The following KIAA1958 variants were observed in gnomAD, a reference collection of about 807,000 sequenced individuals.
KIAA1958 encodes KIAA1958.
Under a neutral mutation model 47.2 loss-of-function variants are expected in KIAA1958, and 14 were observed. That is an observed-to-expected ratio of 0.30 (90% CI 0.20 to 0.46). KIAA1958 has a LOEUF of 0.46. KIAA1958 is among the 20% of genes least tolerant of loss of function. The pLI, the probability that KIAA1958 is intolerant of heterozygous loss-of-function variation, is 1.00. For missense variants in KIAA1958, 803 were observed against 909.2 expected (o/e 0.88, Z 1.50); for synonymous variants, 354 against 353.3 (o/e 1.00, Z -0.02).
At chr9:112,502,177 G>T (rs1234406557) in intron 1 of KIAA1958, among the ~76,000 whole-genome samples, 2 of 152,076 alleles carry the variant, frequency 1.3e-5, no homozygotes, top group Admixed American at 6.6e-5. Flanking sequence ...ATAAAACTTT[G>T]AAGTATAGTA....
chr9:112,598,720 A>G (rs774305089), intron 2 of KIAA1958, among the ~76,000 whole-genome samples: 25 of 152,226 alleles, frequency 1.6e-4, no homozygotes, highest in Non-Finnish European at 2.8e-4. Context: ...CAAGACACAC[A>G]AGAAAACTGA....
At chr9:112,510,209 T>C (rs754621991) in intron 1 of KIAA1958, among the ~76,000 whole-genome samples, 29 of 152,170 alleles carry the variant, frequency 1.9e-4, no homozygotes, top group Middle Eastern at 3.2e-3. Flanking sequence ...CAGTGGGACG[T>C]CTCTGATTGT....
chr9:112,499,939 C>A (rs991210720), intron 1 of KIAA1958, among the ~76,000 whole-genome samples: 1 of 151,864 alleles, frequency 6.6e-6, no homozygotes, highest in Non-Finnish European at 1.5e-5. Flanking sequence ...CCACCCACCT[C>A]GGCCTCCCAA....
At chr9:112,642,869 A>G (rs1754438303) in intron 2 of KIAA1958, among the ~76,000 whole-genome samples, 1 of 152,224 alleles carries the variant, frequency 6.6e-6, no homozygotes, top group Non-Finnish European at 1.5e-5. Context: ...ATGTCATTTA[A>G]TCATTTTCAC....
chr9:112,624,284 A>G (rs1362838703), intron 2 of KIAA1958, among the ~76,000 whole-genome samples: 2 of 152,252 alleles, frequency 1.3e-5, no homozygotes, highest in Non-Finnish European at 2.9e-5. Context: ...ACAGATAGGC[A>G]GTGATCAATT....
intron 1 of KIAA1958, among the ~76,000 whole-genome samples, chr9:112,521,915 A>G (rs1296842406): frequency 2.0e-5 from 3 of 151,962 alleles, no homozygotes; most frequent in Non-Finnish European, 4.4e-5. Flanking sequence ...TTTTCTCCAC[A>G]CACTTGAATA....
intron 1 of KIAA1958, among the ~76,000 whole-genome samples, chr9:112,499,502 T>C (rs1031998279): frequency 1.3e-5 from 2 of 152,144 alleles, no homozygotes; most frequent in African/African-American, 4.8e-5. Context: ...TGTTAATGAG[T>C]ATGAATATAT....
intron 1 of KIAA1958, among the ~76,000 whole-genome samples, chr9:112,524,495 A>G (rs561583143): frequency 6.6e-6 from 1 of 152,332 alleles, no homozygotes; most frequent in South Asian, 2.1e-4. Flanking sequence ...TACTATCCTA[A>G]CCATTTTAAA....
At position 112,666,216 on chromosome 9, in the gene KIAA1958, T is replaced by G. The variant is rs1342446201; in HGVS notation, c.*6147T>G. 1 of 152,168 alleles carries G rather than the reference T, an allele frequency of 6.6e-6. No individual in the cohort carries two copies. Among genetic ancestry groups the G allele is most frequent in the Non-Finnish European group, 1.5e-5 (1 of 68,022 alleles). The allele number at this position is 152,168 out of a possible 1,614,324, so 9.4% of individuals were successfully genotyped here. A position where few individuals can be genotyped will look rare whatever the true frequency, so the allele number is the denominator to read the frequency against. On this transcript the variant is annotated 3_prime_UTR_variant, in exon 4 of 4. Coordinates refer to ENST00000337530, the MANE Select transcript of KIAA1958 (RefSeq NM_133465.4). ...CGAACTCCGACCTCAGTGATCCACC[T>G]GCCTCGGCCTCCCAAAGTGGAAAAA...
At chr9:112,542,201 G>A (rs1834956319) in intron 1 of KIAA1958, among the ~76,000 whole-genome samples, 1 of 152,024 alleles carries the variant, frequency 6.6e-6, no homozygotes, top group Admixed American at 6.6e-5. Flanking sequence ...ATGAAAATAT[G>A]AATATGTTCT....
At chr9:112,506,671 A>G (rs971724018) in intron 1 of KIAA1958, among the ~76,000 whole-genome samples, 2 of 151,274 alleles carry the variant, frequency 1.3e-5, no homozygotes, top group African/African-American at 2.4e-5. Flanking sequence ...TTAGTATTAA[A>G]ATTTCAGAAG....
intron 1 of KIAA1958, among the ~76,000 whole-genome samples, chr9:112,492,180 T>G (rs1243711385): frequency 1.3e-5 from 2 of 152,180 alleles, no homozygotes; most frequent in Non-Finnish European, 2.9e-5. Flanking sequence ...ACAACAAAAA[T>G]TTATTTTCTG....
At chr9:112,558,500 ACTT>A (rs1302649353) in intron 1 of KIAA1958, among the ~76,000 whole-genome samples, 1 of 152,148 alleles carries the variant, frequency 6.6e-6, no homozygotes, top group Non-Finnish European at 1.5e-5. Flanking sequence ...TGACCTCTCT[ACTT>A]CTTTGAATAT....
chr9:112,518,300 C>T (rs1834473684), intron 1 of KIAA1958, among the ~76,000 whole-genome samples: 1 of 152,160 alleles, frequency 6.6e-6, no homozygotes, highest in Non-Finnish European at 1.5e-5. Context: ...ATTTGTAAAG[C>T]TGGAAACAAT....
chr9:112,552,149 A>T (rs73656436), intron 1 of KIAA1958, among the ~76,000 whole-genome samples: 1,539 of 152,256 alleles, frequency 0.01, 28 homozygotes, highest in African/African-American at 0.035. Context: ...GACCACGAGG[A>T]TCCCTGTAGT....
intron 1 of KIAA1958, among the ~76,000 whole-genome samples, chr9:112,515,313 G>A (rs1214033224): frequency 1.5e-5 from 2 of 137,516 alleles, no homozygotes; most frequent in Admixed American, 7.1e-5. Context: ...GGTGAGGGGC[G>A]CCTCTGCCCG....
At chr9:112,605,695 C>T (rs1836220708) in intron 2 of KIAA1958, among the ~76,000 whole-genome samples, 1 of 152,164 alleles carries the variant, frequency 6.6e-6, no homozygotes, top group African/African-American at 2.4e-5. Context: ...CACTTCACTC[C>T]AGGCACAGTG....
chr9:112,565,406 A>T (rs1835411685), intron 1 of KIAA1958, among the ~76,000 whole-genome samples: 1 of 152,046 alleles, frequency 6.6e-6, no homozygotes, highest in East Asian at 1.9e-4. Context: ...ACCTGGCCTG[A>T]ATTTCAGTTT....
intron 1 of KIAA1958, among the ~76,000 whole-genome samples, chr9:112,489,459 T>C (rs1431713923): frequency 7.1e-6 from 1 of 141,602 alleles, no homozygotes; most frequent in Non-Finnish European, 1.5e-5. Flanking sequence ...CACCTAGTTT[T>C]GTTTATGTTT....
Sources: gnomAD v4.1 joint callset for allele counts (sites outside exome capture counted in the v4.1 genomes callset) on GRCh38, gnomAD v4.1.1 for gene constraint, MANE v1.5 for transcripts, NCBI Gene and HGNC (gene_info 2026-07-23, HGNC 2026-07-21) for gene names.